Variants in RPS6KA5 observed in about 807,000 individuals in gnomAD.
The protein encoded by RPS6KA5 is ribosomal protein S6 kinase A5.
Under a neutral mutation model 85.5 loss-of-function variants are expected in RPS6KA5, and 27 were observed. That is an observed-to-expected ratio of 0.32 (90% confidence interval 0.23 to 0.44). The LOEUF (loss-of-function observed/expected upper bound fraction) is 0.44. RPS6KA5 is among the 20% of genes least tolerant of loss of function. The probability of loss-of-function intolerance (pLI) is 1.00; values close to 1 mark genes in which losing one functional copy is unlikely to be tolerated. For synonymous variants in RPS6KA5, 334 were observed against 348.2 expected (o/e 0.96, Z 0.46); for missense variants, 811 against 980.9 (o/e 0.83, Z 2.31).
Position 90,864,785 on chromosome 14 carries a change from T to C in RPS6KA5, c.*7289A>G, listed in dbSNP as rs1476930269. The C allele has an allele frequency of 6.6e-6, 1 of 152,344 alleles. No individual in the cohort carries two copies. Among genetic ancestry groups the C allele is most frequent in the East Asian group, 1.9e-4 (1 of 5,188 alleles). The allele number at this position is 152,344 out of a possible 1,614,324, so 9.4% of individuals were successfully genotyped here. On this transcript the variant is annotated 3_prime_UTR_variant, in exon 17 of 17. Coordinates refer to ENST00000614987, the MANE Select transcript of RPS6KA5 (RefSeq NM_004755.4). ...AAAATATAAAAAGGTGTTCCACACA[T>C]CACTACTTATCAGGAAAATACACCT...
chr14:90,969,597 A>G (rs1342189973), intron 3 of RPS6KA5, among the ~76,000 whole-genome samples: 2 of 152,214 alleles, frequency 1.3e-5, no homozygotes, highest in African/African-American at 4.8e-5. Context: ...AGCTTGTAGG[A>G]GGGGAAGTCG....
rs1049554286 is a variant in RPS6KA5, at chr14:90,861,791, G to C, written c.*10283C>G. The C allele has an allele frequency of 6.6e-6, 1 of 151,708 alleles. No individual in the cohort carries two copies. Among genetic ancestry groups the C allele is most frequent in the South Asian group, 2.1e-4 (1 of 4,786 alleles). The allele number at this position is 151,708 out of a possible 1,614,324, so 9.4% of individuals were successfully genotyped here. A position where few individuals can be genotyped will look rare whatever the true frequency, so the allele number is the denominator to read the frequency against. ...CTTGTGTCTGTAATCCCAGCTACTC[G>C]GGAGGCTGAGGCAGGAGAATCGCTT... On this transcript the variant is annotated 3_prime_UTR_variant, in exon 17 of 17. Transcript: ENST00000614987.
At chr14:90,887,709 C>T (rs529194352) in intron 14 of RPS6KA5, among the ~76,000 whole-genome samples, 71 of 151,060 alleles carry the variant, frequency 4.7e-4, no homozygotes, top group Non-Finnish European at 9.1e-4. Flanking sequence ...GTAATCCCAG[C>T]ATTTTGAGAG....
intron 1 of RPS6KA5, among the ~76,000 whole-genome samples, chr14:91,005,059 G>A (rs952239021): frequency 6.6e-5 from 10 of 151,936 alleles, no homozygotes; most frequent in African/African-American, 2.4e-4. Context: ...GTTTCTGGAT[G>A]TCCTTTTGAA....
chr14:91,017,511 G>C (rs1393630175), intron 1 of RPS6KA5, among the ~76,000 whole-genome samples: 1 of 152,218 alleles, frequency 6.6e-6, no homozygotes, highest in Admixed American at 6.5e-5. Flanking sequence ...GAAGCAGGTG[G>C]CTTGATGGAA....
intron 1 of RPS6KA5, among the ~76,000 whole-genome samples, chr14:91,044,867 C>CAA (rs748430714): frequency 0.037 from 2,593 of 70,370 alleles, 32 homozygotes; most frequent in Middle Eastern, 0.12. Flanking sequence ...CGAGACGTGT[C>CAA]AAAAAAAAAA....
chr14:91,060,485 A>G lies in RPS6KA5; in HGVS notation c.-51T>C. 7.6e-7 allele frequency: 1 copy of G among 1,323,398 alleles called. No individual in the cohort carries two copies. The highest frequency in any genetic ancestry group is 9.7e-7 in the Non-Finnish European group (1 of 1,025,808). The allele number at this position is 1,323,398 out of a possible 1,614,324, so 82.0% of individuals were successfully genotyped here. On this transcript the variant is annotated 5_prime_UTR_variant, in exon 1 of 17. Transcript: ENST00000614987. Reference sequence around the variant, plus strand: ...GGTCGCTACGAGGGGAACCCAGGAGACAGCGGACGCCCGTCCCCTCGCAGC... The same window carrying G: ...GGTCGCTACGAGGGGAACCCAGGAGGCAGCGGACGCCCGTCCCCTCGCAGC...
intron 14 of RPS6KA5, among the ~76,000 whole-genome samples, chr14:90,882,345 C>A (rs796086304): frequency 2.0e-4 from 30 of 152,252 alleles, no homozygotes; most frequent in African/African-American, 7.2e-4. Flanking sequence ...CAAAACAAAC[C>A]GATAATTCTT....
rs992360507 is a variant in RPS6KA5, at chr14:90,864,067, A to G, written c.*8007T>C. 7 of 152,272 alleles carry G rather than the reference A, an allele frequency of 4.6e-5. No individual in the cohort carries two copies. The highest frequency in any genetic ancestry group is 4.6e-4 in the Admixed American group (7 of 15,288). The allele number at this position is 152,272 out of a possible 1,614,324, so 9.4% of individuals were successfully genotyped here. A position where few individuals can be genotyped will look rare whatever the true frequency, so the allele number is the denominator to read the frequency against. On this transcript the variant is annotated 3_prime_UTR_variant, in exon 17 of 17. Transcript: ENST00000614987. ...ATATGGAAATACATAAACTTTGGCT[A>G]CTATTTCACATCATATACAAATATC...
At chr14:91,050,571 G>A (rs189500490) in intron 1 of RPS6KA5, among the ~76,000 whole-genome samples, 1 of 152,166 alleles carries the variant, frequency 6.6e-6, no homozygotes, top group Non-Finnish European at 1.5e-5. Flanking sequence ...TGGGATTATA[G>A]GCATCTGCCA....
chr14:90,967,485 T>G (rs144436966), intron 3 of RPS6KA5, among the ~76,000 whole-genome samples: 2 of 152,312 alleles, frequency 1.3e-5, no homozygotes, highest in East Asian at 3.9e-4. Flanking sequence ...TTAATTATAA[T>G]GACTTAAATA....
At position 90,890,525 on chromosome 14, in the gene RPS6KA5, C is replaced by A. The variant is rs2140193527; in HGVS notation, c.1798G>T (p.Asp600Tyr). 3 of 1,613,992 alleles carry A rather than the reference C, an allele frequency of 1.9e-6. No individual in the cohort carries two copies. In the East Asian group the frequency reaches 6.7e-5, roughly 36 times the overall value. ...APELLNQNGY[D>Y]ESCDLWSLGV... The stretch of plus-strand genomic sequence containing the variant: ...AAGCTCCACAGGTCACAGGACTCAT[C>A]GTAGCCGTTCTGATTCAAGAGCTCT... Residue 600 changes from aspartate to tyrosine, a missense_variant, in exon 14 of 17, where the codon GAT (aspartate) becomes TAT (tyrosine). Physicochemically the swap from Asp to Tyr is radical, Grantham distance 160. Around this residue, in one of 3 missense-constraint regions of RPS6KA5, gnomAD observed 650 missense variants for 793.4 expected, o/e 0.82. Transcript: ENST00000614987.
chr14:90,942,094 G>A (rs761091011), intron 5 of RPS6KA5, among the ~76,000 whole-genome samples: 1 of 152,102 alleles, frequency 6.6e-6, no homozygotes, highest in Non-Finnish European at 1.5e-5. Context: ...CCAGTACCCA[G>A]CATAGTAGAG....
At chr14:91,006,021 G>A (rs148955058) in intron 1 of RPS6KA5, among the ~76,000 whole-genome samples, 2 of 152,288 alleles carry the variant, frequency 1.3e-5, no homozygotes, top group African/African-American at 4.8e-5. Flanking sequence ...AAAGGAGATG[G>A]TACTTTAGTC....
intron 5 of RPS6KA5, among the ~76,000 whole-genome samples, chr14:90,937,584 G>C (rs183288132): frequency 1.3e-5 from 2 of 152,212 alleles, no homozygotes; most frequent in African/African-American, 4.8e-5. Context: ...ATACATATCC[G>C]AGACTGGGAA....
intron 1 of RPS6KA5, among the ~76,000 whole-genome samples, chr14:91,048,623 G>A (rs972564527): frequency 2.0e-5 from 3 of 152,132 alleles, no homozygotes; most frequent in East Asian, 1.9e-4. Flanking sequence ...GAGGGACACT[G>A]CTAGAAACAA....
intron 5 of RPS6KA5, among the ~76,000 whole-genome samples, chr14:90,934,002 C>G (rs2037129940): frequency 6.6e-6 from 1 of 152,198 alleles, no homozygotes; most frequent in Non-Finnish European, 1.5e-5. Flanking sequence ...CTTTCCTGAC[C>G]ACTTGATTTC....
In RPS6KA5 at chr14:90,863,560, G is replaced by A. The variant is rs980871780; in HGVS notation, c.*8514C>T. 1 of 151,710 alleles carries A rather than the reference G, an allele frequency of 6.6e-6. No homozygotes were observed. The highest frequency in any genetic ancestry group is 1.5e-5 in the Non-Finnish European group (1 of 67,922). The allele number at this position is 151,710 out of a possible 1,614,324, so 9.4% of individuals were successfully genotyped here. A position where few individuals can be genotyped will look rare whatever the true frequency, so the allele number is the denominator to read the frequency against. ...TTAAAGAAATCTAAAATAATATACA[G>A]ATTAGAATTAAAAAGTGAATTTAAC... On this transcript the variant is annotated 3_prime_UTR_variant, in exon 17 of 17. Transcript: ENST00000614987.
In RPS6KA5 at chr14:90,910,160, A is replaced by T. The variant is rs112030449; in HGVS notation, c.807-3861T>A. Among the ~76,000 whole-genome samples, 707 of 152,346 alleles carry T rather than the reference A, an allele frequency of 4.6e-3. 7 individuals are homozygous for T. Among genetic ancestry groups the T allele is most frequent in the African/African-American group, 0.016 (671 of 41,572 alleles). On this transcript the variant is annotated intron_variant, in intron 7 of 16. Transcript: ENST00000614987. ...TGGGGAAACCAGCTGTACAGGAAATAAAAAAACAAAAGCAAGACCTTGCCT... is the reference window on the plus strand; with the variant it reads ...TGGGGAAACCAGCTGTACAGGAAATTAAAAAACAAAAGCAAGACCTTGCCT...
Sources: gnomAD v4.1 joint callset for allele counts (sites outside exome capture counted in the v4.1 genomes callset) on GRCh38, gnomAD v4.1.1 for gene constraint, gnomAD v4.1.1 regional missense constraint, MANE v1.5 for transcripts, NCBI Gene and HGNC (gene_info 2026-07-23, HGNC 2026-07-21) for gene names.